Variants in UST observed in about 807,000 individuals in gnomAD.
UST encodes chondroitin sulfate 2-O-sulfotransferase.
Under a neutral mutation model 45.6 loss-of-function variants are expected in UST, and 21 were observed. That is an observed-to-expected ratio of 0.46 (90% confidence interval 0.33 to 0.66). The LOEUF is 0.66. Among genes scored for constraint, UST ranks in the 30% least tolerant of loss-of-function variants. The probability of loss-of-function intolerance (pLI) is 0.02; values close to 1 mark genes in which losing one functional copy is unlikely to be tolerated. For missense variants in UST, 463 were observed against 512.4 expected (o/e 0.90, Z 0.93); for synonymous variants, 215 against 200.6 (o/e 1.07, Z -0.61).
chr6:148,754,144 G>A (rs1011942695), intron 1 of UST, among the ~76,000 whole-genome samples: 17 of 151,840 alleles, frequency 1.1e-4, no homozygotes, highest in African/African-American at 3.6e-4. Context: ...ACAGGCGGCC[G>A]CCACCATGCC....
chr6:148,993,956 C>CTTTTTTTTTTT (rs57552256), intron 5 of UST, among the ~76,000 whole-genome samples: 17 of 95,364 alleles, frequency 1.8e-4, no homozygotes, highest in African/African-American at 7.3e-4. Flanking sequence ...TATTTCTTTC[C>CTTTTTTTTTTT]TTTTTTTTTT....
chr6:148,901,434 T>G lies in UST; in HGVS notation c.291+14405T>G, dbSNP rs565419310. Reference sequence around the variant, plus strand: ...AGCTCAGGGATCCAGGCTGTTTCCATCTTGTGGCATTACCGTCTCAACACA... The same window carrying G: ...AGCTCAGGGATCCAGGCTGTTTCCAGCTTGTGGCATTACCGTCTCAACACA... On this transcript the variant is annotated intron_variant, in intron 2 of 7. Coordinates refer to ENST00000367463, the MANE Select transcript of UST (RefSeq NM_005715.3). 1.9e-4 allele frequency among the ~76,000 whole-genome samples: 29 copies of G among 152,202 alleles called. No individual in the cohort carries two copies. The South Asian group carries it at 5.8e-3, about 30-fold the overall frequency.
chr6:149,013,902 T>A (rs1187171680), intron 5 of UST, among the ~76,000 whole-genome samples: 1 of 152,208 alleles, frequency 6.6e-6, no homozygotes. Context: ...TATAAAAGGA[T>A]AAGTAAAATA....
At chr6:148,818,876 A>G (rs892750338) in intron 1 of UST, among the ~76,000 whole-genome samples, 7 of 152,200 alleles carry the variant, frequency 4.6e-5, no homozygotes, top group African/African-American at 1.7e-4. Flanking sequence ...GACATGAGAA[A>G]GGAGAAAGTG....
intron 3 of UST, among the ~76,000 whole-genome samples, chr6:148,946,760 G>T (rs1780246870): frequency 7.7e-6 from 1 of 129,734 alleles, no homozygotes. Context: ...CTTGCAGTGA[G>T]CCGAGATTGC....
chr6:149,013,726 T>C (rs1175443265), intron 5 of UST, among the ~76,000 whole-genome samples: 1 of 152,132 alleles, frequency 6.6e-6, no homozygotes, highest in Non-Finnish European at 1.5e-5. Context: ...CAGGGAACTT[T>C]GCATATGGCC....
At position 148,790,862 on chromosome 6, in the gene UST, G is replaced by A. The variant is rs562095584; in HGVS notation, c.247+43185G>A. On this transcript the variant is annotated intron_variant, in intron 1 of 7. Transcript: ENST00000367463. This position sits in a 1 kb window ranked among gnomAD's most constrained non-coding sequence, Gnocchi z 4.2. ...GGCTGAGCTCCGTTGCAGCTGCATC[G>A]CAGTTTGCCTTCTCTCTCTGCCCGT... Among the ~76,000 whole-genome samples, 19 of 152,290 alleles carry A rather than the reference G, an allele frequency of 1.2e-4. No homozygotes were observed. Among genetic ancestry groups the A allele is most frequent in the African/African-American group, 4.1e-4 (17 of 41,568 alleles).
chr6:148,867,616 T>C (rs1778469652), intron 1 of UST, among the ~76,000 whole-genome samples: 1 of 152,160 alleles, frequency 6.6e-6, no homozygotes, highest in South Asian at 2.1e-4. Flanking sequence ...TCGTGAGATC[T>C]GATGGTTTGA....
intron 1 of UST, among the ~76,000 whole-genome samples, chr6:148,753,431 C>T (rs1406298899): frequency 2.6e-5 from 4 of 152,284 alleles, no homozygotes; most frequent in African/African-American, 9.6e-5. Flanking sequence ...ATAATGTTTT[C>T]AAGGTTCATT....
At chr6:148,937,886 T>A (rs1195470924) in intron 2 of UST, among the ~76,000 whole-genome samples, 1 of 152,228 alleles carries the variant, frequency 6.6e-6, no homozygotes. Context: ...CCCAGCCTGG[T>A]TGTAATGGAA....
intron 4 of UST, among the ~76,000 whole-genome samples, chr6:148,954,391 C>T (rs1033235176): frequency 1.3e-5 from 2 of 152,216 alleles, no homozygotes; most frequent in Non-Finnish European, 2.9e-5. Context: ...CTTTTTAATA[C>T]AATCGTGTGC....
chr6:148,974,912 C>A (rs74601490), intron 5 of UST, among the ~76,000 whole-genome samples: 1 of 152,164 alleles, frequency 6.6e-6, no homozygotes, highest in East Asian at 1.9e-4. Flanking sequence ...ACTGCTGTCC[C>A]GTTACCCTCT....
intron 1 of UST, among the ~76,000 whole-genome samples, chr6:148,772,263 GA>G (rs1776443467): frequency 6.6e-6 from 1 of 152,158 alleles, no homozygotes; most frequent in African/African-American, 2.4e-5. Context: ...GCAGTCAGTT[GA>G]AGGATGCTAT....
intron 7 of UST, among the ~76,000 whole-genome samples, chr6:149,038,216 C>T (rs1776264305): frequency 6.6e-6 from 1 of 151,656 alleles, no homozygotes; most frequent in South Asian, 2.1e-4. Flanking sequence ...TAACGTTACC[C>T]AAGAATTGAG....
intron 1 of UST, among the ~76,000 whole-genome samples, chr6:148,807,505 T>C (rs1360903940): frequency 1.3e-5 from 2 of 152,164 alleles, no homozygotes; most frequent in African/African-American, 4.8e-5. Flanking sequence ...TATATTTGCC[T>C]AGTATGTGTG....
chr6:148,839,640 G>A (rs1777853493), intron 1 of UST, among the ~76,000 whole-genome samples: 1 of 152,196 alleles, frequency 6.6e-6, no homozygotes. Flanking sequence ...CACTTGGGAA[G>A]ATTTTGCAAC....
At chr6:149,002,197 C>T (rs778493266) in intron 5 of UST, among the ~76,000 whole-genome samples, 9 of 151,234 alleles carry the variant, frequency 6.0e-5, no homozygotes, top group Non-Finnish European at 1.0e-4. Flanking sequence ...TCCTTAGATT[C>T]TAAAGCAGTA....
intron 1 of UST, among the ~76,000 whole-genome samples, chr6:148,883,147 A>C (rs990901297): frequency 2.0e-5 from 3 of 152,242 alleles, no homozygotes; most frequent in African/African-American, 7.2e-5. Context: ...AAAGTCATTG[A>C]ATAGAAAAGA....
chr6:148,775,553 T>C (rs1300019514), intron 1 of UST, among the ~76,000 whole-genome samples: 2 of 152,204 alleles, frequency 1.3e-5, no homozygotes. Flanking sequence ...TGTGTGCATG[T>C]GGGTGTGCAT....
Sources: gnomAD v4.1 joint callset for allele counts (sites outside exome capture counted in the v4.1 genomes callset) on GRCh38, gnomAD v4.1.1 for gene constraint, Gnocchi (gnomAD v3.1) non-coding constraint, MANE v1.5 for transcripts, NCBI Gene and HGNC (gene_info 2026-07-23, HGNC 2026-07-21) for gene names.